Variants in SYT1 observed in about 807,000 individuals in gnomAD.
The protein encoded by SYT1 is synaptotagmin 1.
Under a neutral mutation model 44.8 loss-of-function variants are expected in SYT1, and 8 were observed. The ratio of observed to expected loss-of-function variants is 0.18; its 90% CI spans 0.10 to 0.32. SYT1 has a LOEUF of 0.32. SYT1 is among the 10% of genes least tolerant of loss of function. The pLI is 1.00. For missense variants in SYT1, 286 were observed against 509.3 expected (o/e 0.56, Z 4.22); for synonymous variants, 154 against 188.8 (o/e 0.82, Z 1.51).
At chr12:79,006,307 A>C (rs1871077504) in intron 2 of SYT1, among the ~76,000 whole-genome samples, 1 of 152,154 alleles carries the variant, frequency 6.6e-6, no homozygotes, top group East Asian at 1.9e-4. Flanking sequence ...GGTTAAGACT[A>C]GCCAATGGAT....
chr12:78,928,488 A>C (rs998881161), intron 1 of SYT1, among the ~76,000 whole-genome samples: 19 of 152,020 alleles, frequency 1.2e-4, no homozygotes, highest in African/African-American at 4.1e-4. Flanking sequence ...TCTTTCCTTA[A>C]GTGGAGAACT....
intron 4 of SYT1, among the ~76,000 whole-genome samples, chr12:79,225,199 A>C (rs1359317779): frequency 6.6e-6 from 1 of 152,040 alleles, no homozygotes; most frequent in African/African-American, 2.4e-5. Context: ...AATAATCCGG[A>C]TGAGAGATTT....
chr12:79,260,803 A>G (rs1174925318), intron 4 of SYT1, among the ~76,000 whole-genome samples: 1 of 92,172 alleles, frequency 1.1e-5, no homozygotes, highest in Non-Finnish European at 2.7e-5. Context: ...CAGAAATCTC[A>G]TATTTTTTTT....
intron 8 of SYT1, among the ~76,000 whole-genome samples, chr12:79,302,647 T>C (rs1484244136): frequency 6.6e-6 from 1 of 151,994 alleles, no homozygotes; most frequent in African/African-American, 2.4e-5. Context: ...TTCGATTCTA[T>C]CCCCAGGTGG....
chr12:79,042,730 T>C (rs1230095289), intron 2 of SYT1, among the ~76,000 whole-genome samples: 14 of 148,946 alleles, frequency 9.4e-5, no homozygotes, highest in African/African-American at 2.9e-4. Context: ...GGTGTCAATT[T>C]TGGATCTTTC....
At chr12:79,221,498 C>T (rs1324460572) in intron 4 of SYT1, among the ~76,000 whole-genome samples, 3 of 152,058 alleles carry the variant, frequency 2.0e-5, no homozygotes, top group Admixed American at 6.5e-5. Context: ...CCCATGCTGT[C>T]TTCCCTTGTG....
intron 1 of SYT1, among the ~76,000 whole-genome samples, chr12:78,900,630 T>C (rs534067790): frequency 6.6e-6 from 1 of 152,004 alleles, no homozygotes; most frequent in Non-Finnish European, 1.5e-5. Flanking sequence ...CATGGAGAAC[T>C]GGAGGAAGGA....
At chr12:79,140,465 T>G (rs982538384) in intron 3 of SYT1, among the ~76,000 whole-genome samples, 4 of 152,210 alleles carry the variant, frequency 2.6e-5, no homozygotes, top group Non-Finnish European at 5.9e-5. Context: ...AATAGTCACT[T>G]CTCTGAAATA....
chr12:78,931,331 GGGAGGGAAGGAAGGAAGGAAGGAA>G (rs1308606651), intron 1 of SYT1, among the ~76,000 whole-genome samples: 49 of 23,736 alleles, frequency 2.1e-3, no homozygotes, highest in South Asian at 3.4e-3. Context: ...GAGGGAGGGA[GGGAGGGAAGGAAGGAAGGAAGGAA>G]GGAAGGAAGG....
At position 78,872,231 on chromosome 12, in the gene SYT1, T is replaced by G. The variant is rs539102509; in HGVS notation, c.-217+7122T>G. Among the ~76,000 whole-genome samples, 4 of 151,988 alleles carry G rather than the reference T, an allele frequency of 2.6e-5. No homozygotes were observed. In the South Asian group the frequency reaches 6.2e-4, roughly 24 times the overall value. ...TTAAATTGTTTTGTAAAAAAGTACT[T>G]GATATGCAAGTTTCCAACGACTTGT... On this transcript the variant is annotated intron_variant, in intron 1 of 10. Coordinates refer to ENST00000261205, the MANE Select transcript of SYT1 (RefSeq NM_005639.3).
chr12:79,060,559 A>G (rs1875306726), intron 3 of SYT1, among the ~76,000 whole-genome samples: 1 of 152,040 alleles, frequency 6.6e-6, no homozygotes, highest in South Asian at 2.1e-4. Context: ...ACGTCATATA[A>G]GTGGAATTAA....
At chr12:79,027,411 T>C (rs1212671046) in intron 2 of SYT1, among the ~76,000 whole-genome samples, 5 of 151,506 alleles carry the variant, frequency 3.3e-5, no homozygotes, top group African/African-American at 7.3e-5. Context: ...TATTTAACAC[T>C]AGAAACACTG....
intron 3 of SYT1, among the ~76,000 whole-genome samples, chr12:79,117,416 A>G (rs1004402121): frequency 6.6e-6 from 1 of 151,426 alleles, no homozygotes; most frequent in African/African-American, 2.4e-5. Context: ...GGAGCAACCA[A>G]CTCCACAGTG....
At chr12:79,178,604 A>G (rs925799389) in intron 3 of SYT1, among the ~76,000 whole-genome samples, 2 of 151,740 alleles carry the variant, frequency 1.3e-5, no homozygotes, top group Non-Finnish European at 2.9e-5. Flanking sequence ...TTACTGCAAT[A>G]TTATTTTTCT....
At chr12:79,330,125 T>A (rs1478552817) in intron 8 of SYT1, among the ~76,000 whole-genome samples, 1 of 152,098 alleles carries the variant, frequency 6.6e-6, no homozygotes, top group East Asian at 1.9e-4. Flanking sequence ...AAGCTTGTGT[T>A]TGGACATGAT....
intron 3 of SYT1, among the ~76,000 whole-genome samples, chr12:79,088,517 A>G (rs1877541039): frequency 6.6e-6 from 1 of 152,074 alleles, no homozygotes; most frequent in Non-Finnish European, 1.5e-5. Flanking sequence ...GGGAGTAAAT[A>G]AAAAGAAACG....
At chr12:79,202,380 T>C (rs557933692) in intron 3 of SYT1, among the ~76,000 whole-genome samples, 1 of 152,334 alleles carries the variant, frequency 6.6e-6, no homozygotes, top group South Asian at 2.1e-4. Context: ...TTAACCCCGC[T>C]TTCTTAAAGT....
intron 3 of SYT1, among the ~76,000 whole-genome samples, chr12:79,202,141 T>C (rs1873826958): frequency 6.6e-6 from 1 of 152,202 alleles, no homozygotes; most frequent in South Asian, 2.1e-4. Context: ...ACTATATTCT[T>C]TCTAAACTCT....
intron 9 of SYT1, among the ~76,000 whole-genome samples, chr12:79,414,444 A>G (rs1312484697): frequency 2.0e-5 from 3 of 152,148 alleles, no homozygotes. Flanking sequence ...GTCCTGAAGC[A>G]TAGCTCTCCC....
Sources: gnomAD v4.1 joint callset for allele counts (sites outside exome capture counted in the v4.1 genomes callset) on GRCh38, gnomAD v4.1.1 for gene constraint, MANE v1.5 for transcripts, NCBI Gene and HGNC (gene_info 2026-07-23, HGNC 2026-07-21) for gene names.